The following BRAF variants were observed in gnomAD, a reference collection of about 807,000 sequenced individuals.
BRAF encodes B-Raf proto-oncogene, serine/threonine kinase, also known as serine/threonine-protein kinase B-raf.
In BRAF, 16 loss-of-function variants were observed where a neutral mutation model predicts 104.6. The ratio of observed to expected loss-of-function variants is 0.15; its 90% CI spans 0.10 to 0.23. The LOEUF (loss-of-function observed/expected upper bound fraction) is 0.23. Ranked by LOEUF, BRAF falls within the 10% of genes least tolerant of loss-of-function variation. The probability of loss-of-function intolerance (pLI) is 1.00; values close to 1 mark genes in which losing one functional copy is unlikely to be tolerated. For synonymous variants in BRAF, 310 were observed against 341.6 expected (o/e 0.91, Z 1.02); for missense variants, 541 against 937.3 (o/e 0.58, Z 5.52).
intron 3 of BRAF, among the ~76,000 whole-genome samples, chr7:140,829,004 G>C (rs900783114): frequency 4.6e-5 from 7 of 152,024 alleles, no homozygotes; most frequent in Non-Finnish European, 8.8e-5. Context: ...ATGCTTTACT[G>C]TTCATTTGGA....
At chr7:140,850,241 A>G in intron 1 of BRAF, 29 bp from the exon 2 acceptor site, 1 of 1,487,474 alleles carries the variant, frequency 6.7e-7, no homozygotes, top group Non-Finnish European at 9.4e-7. Flanking sequence ...GAATTTAAAT[A>G]AAAATCACTT....
intron 5 of BRAF, among the ~76,000 whole-genome samples, chr7:140,803,220 T>C (rs944894905): frequency 6.6e-6 from 1 of 152,174 alleles, no homozygotes; most frequent in Non-Finnish European, 1.5e-5. Context: ...ATCCCAGTCA[T>C]CAGGCAATGT....
At chr7:140,829,197 T>C (rs1260892082) in intron 3 of BRAF, among the ~76,000 whole-genome samples, 1 of 104,966 alleles carries the variant, frequency 9.5e-6, no homozygotes, top group Non-Finnish European at 2.7e-5. Context: ...GTTTTTTTTT[T>C]GTGGGGGGGG....
At chr7:140,799,417 G>A (rs1169041201) in intron 7 of BRAF, 1 of 231,976 alleles carries the variant, frequency 4.3e-6, no homozygotes, top group East Asian at 6.1e-5. Flanking sequence ...TTAGTAATCT[G>A]CTTAAAGACC....
At chr7:140,819,810 G>C (rs1022651020) in intron 3 of BRAF, among the ~76,000 whole-genome samples, 7 of 152,244 alleles carry the variant, frequency 4.6e-5, no homozygotes, top group African/African-American at 1.7e-4. Flanking sequence ...GCAAATGGGT[G>C]GTTACATAGG....
chr7:140,794,940 G>A (rs1277741829), intron 7 of BRAF, among the ~76,000 whole-genome samples: 4 of 152,126 alleles, frequency 2.6e-5, no homozygotes, highest in African/African-American at 9.7e-5. Flanking sequence ...TGATGTACTT[G>A]TTCCTTTACA....
intron 1 of BRAF, among the ~76,000 whole-genome samples, chr7:140,922,469 T>C (rs1818331385): frequency 6.6e-6 from 1 of 152,184 alleles, no homozygotes; most frequent in Non-Finnish European, 1.5e-5. Context: ...CTTTACAGAA[T>C]TGCAAACGGT....
chr7:140,864,871 G>A (rs1362380571), intron 1 of BRAF, among the ~76,000 whole-genome samples: 1 of 152,140 alleles, frequency 6.6e-6, no homozygotes, highest in Non-Finnish European at 1.5e-5. Context: ...GATGAAATCT[G>A]AGTCACAAGT....
chr7:140,895,273 C>G (rs950444946), intron 1 of BRAF, among the ~76,000 whole-genome samples: 3 of 152,010 alleles, frequency 2.0e-5, no homozygotes, highest in Non-Finnish European at 2.9e-5. Context: ...ATTCAACAAC[C>G]ATTTAGGATT....
At chr7:140,894,115 G>C (rs545169864) in intron 1 of BRAF, among the ~76,000 whole-genome samples, 2 of 152,152 alleles carry the variant, frequency 1.3e-5, no homozygotes, top group East Asian at 3.9e-4. Context: ...GCCTGAGTGA[G>C]AGACCCAGAC....
At chr7:140,767,858 A>G (rs958546278) in intron 14 of BRAF, among the ~76,000 whole-genome samples, 1 of 152,244 alleles carries the variant, frequency 6.6e-6, no homozygotes, top group Non-Finnish European at 1.5e-5. Flanking sequence ...GTTGAGGAGT[A>G]AATGAGGTAA....
rs994257687 is a variant in BRAF, at chr7:140,840,261, C to T, written c.241-5389G>A. Reference sequence around the variant, plus strand: ...TTAGGAAAAAAACACAGGAGTAAATCATCCTGACCTTTGATTAGGCAATGG... The same window carrying T: ...TTAGGAAAAAAACACAGGAGTAAATTATCCTGACCTTTGATTAGGCAATGG... On this transcript the variant is annotated intron_variant, in intron 2 of 19. Coordinates refer to ENST00000644969, the MANE Select transcript of BRAF (RefSeq NM_001374258.1). 4.6e-5 allele frequency among the ~76,000 whole-genome samples: 7 copies of T among 152,286 alleles called. No individual in the cohort carries two copies. The South Asian group carries it at 1.5e-3, about 32-fold the overall frequency.
intron 13 of BRAF, 68 bp downstream of exon 12, chr7:140,777,923 C>T: frequency 1.1e-5 from 15 of 1,407,014 alleles, no homozygotes; most frequent in African/African-American, 1.4e-5. Flanking sequence ...ATAGTTGCTA[C>T]CACTGGGAAC....
At chr7:140,782,463 C>T (rs1281322884) in intron 11 of BRAF, among the ~76,000 whole-genome samples, 2 of 103,586 alleles carry the variant, frequency 1.9e-5, no homozygotes, top group Non-Finnish European at 2.3e-5. Context: ...TCGGTCTTTC[C>T]AAAAAAAAAA....
intron 2 of BRAF, among the ~76,000 whole-genome samples, chr7:140,837,700 A>G (rs1807491280): frequency 6.6e-6 from 1 of 152,238 alleles, no homozygotes; most frequent in East Asian, 1.9e-4. Context: ...CCTGAAAATC[A>G]TGCTTGTTTT....
chr7:140,827,974 G>A (rs911684493), intron 3 of BRAF, among the ~76,000 whole-genome samples: 1 of 152,024 alleles, frequency 6.6e-6, no homozygotes, highest in Non-Finnish European at 1.5e-5. Context: ...TCGGCTCACC[G>A]CAACCTCCAC....
intron 14 of BRAF, among the ~76,000 whole-genome samples, chr7:140,775,704 G>A (rs976761971): frequency 1.3e-5 from 2 of 152,192 alleles, no homozygotes; most frequent in African/African-American, 4.8e-5. Flanking sequence ...TATCTGAAAC[G>A]TTGAGATTGT....
At chr7:140,767,901 A>C (rs982945941) in intron 14 of BRAF, among the ~76,000 whole-genome samples, 4 of 152,264 alleles carry the variant, frequency 2.6e-5, no homozygotes, top group Non-Finnish European at 5.9e-5. Flanking sequence ...TCTGACACAT[A>C]GTAAGTGCAT....
chr7:140,774,579 C>G (rs965138741), intron 14 of BRAF, among the ~76,000 whole-genome samples: 12 of 152,326 alleles, frequency 7.9e-5, no homozygotes, highest in Admixed American at 6.5e-4. Context: ...TGCAGTGGCA[C>G]AATCACGACT....
Sources: gnomAD v4.1 joint callset for allele counts (sites outside exome capture counted in the v4.1 genomes callset) on GRCh38, gnomAD v4.1.1 for gene constraint, MANE v1.5 for transcripts, NCBI Gene and HGNC (gene_info 2026-07-23, HGNC 2026-07-21) for gene names.